HIVEP3: variants seen among roughly 807,000 people sequenced by gnomAD.
HIVEP3 encodes transcription factor HIVEP3.
A neutral mutation model predicts 152.8 loss-of-function variants in HIVEP3; 49 were observed. The observed-to-expected ratio is 0.32, with a 90% CI of 0.26 to 0.41. The LOEUF (loss-of-function observed/expected upper bound fraction) is 0.41, where lower values mean the gene tolerates loss of function less well. HIVEP3 is among the 10% of genes least tolerant of loss of function. The pLI is 1.00. For synonymous variants in HIVEP3, 1,269 were observed against 1,289.0 expected, an observed-to-expected ratio of 0.98 and a Z score of 0.33; for missense variants, 2,790 against 3,103.3, an observed-to-expected ratio of 0.90 and a Z score of 2.40.
chr1:41,546,214 C>G (rs1315516864), intron 5 of HIVEP3, among the ~76,000 whole-genome samples: 2 of 152,102 alleles, frequency 1.3e-5, no homozygotes, highest in Non-Finnish European at 2.9e-5. Flanking sequence ...ACCAGTGGTC[C>G]CCAGAGGTGA....
At chr1:41,710,088 AAG>A in intron 1 of HIVEP3, among the ~76,000 whole-genome samples, 1 of 152,272 alleles carries the variant, frequency 6.6e-6, no homozygotes, top group South Asian at 2.1e-4. Flanking sequence ...ACTCAAGTTC[AAG>A]GCAGAGTGTT....
chr1:41,962,813 T>C (rs972283991), intron 1 of HIVEP3, among the ~76,000 whole-genome samples: 3 of 152,126 alleles, frequency 2.0e-5, no homozygotes, highest in African/African-American at 2.4e-5. Context: ...ACCCTAGAGG[T>C]TGAGGTACAC....
intron 1 of HIVEP3, among the ~76,000 whole-genome samples, chr1:41,816,645 C>T (rs1273632081): frequency 6.6e-6 from 1 of 152,216 alleles, no homozygotes; most frequent in Admixed American, 6.5e-5. Flanking sequence ...CACCACTGCA[C>T]TCCAGCCTGG....
At chr1:41,549,120 G>A (rs936291070) in intron 5 of HIVEP3, among the ~76,000 whole-genome samples, 10 of 151,606 alleles carry the variant, frequency 6.6e-5, no homozygotes, top group Admixed American at 2.0e-4. Flanking sequence ...GAGAACATGC[G>A]GTATTTCGTT....
At chr1:41,593,231 C>T (rs532820339) in intron 3 of HIVEP3, among the ~76,000 whole-genome samples, 4 of 152,384 alleles carry the variant, frequency 2.6e-5, no homozygotes, top group African/African-American at 9.6e-5. Flanking sequence ...CCTGTCCCCA[C>T]ATGCCCCTCC....
At chr1:41,798,786 A>G (rs1046957095) in intron 1 of HIVEP3, among the ~76,000 whole-genome samples, 3 of 152,218 alleles carry the variant, frequency 2.0e-5, no homozygotes, top group Non-Finnish European at 2.9e-5. Context: ...GCATTTTGTC[A>G]TAGAGCTCAC....
intron 3 of HIVEP3, among the ~76,000 whole-genome samples, chr1:41,597,194 G>A (rs961951520): frequency 2.0e-5 from 3 of 152,132 alleles, no homozygotes; most frequent in African/African-American, 7.2e-5. Flanking sequence ...AGTTAGACCC[G>A]GCTGGTATTT....
rs575766721 is a variant in HIVEP3 at position 41,669,538 on chromosome 1, A to G, written c.-721+31378T>C. 3.9e-5 allele frequency among the ~76,000 whole-genome samples: 6 copies of G among 152,310 alleles called. No individual in the cohort carries two copies. The East Asian group carries it at 1.2e-3, about 29-fold the overall frequency. ...CCCTAACATGGGAGAGCTTCATCCA[A>G]TCTACTGAAGACCTGAATAGAATGA... On this transcript the variant is annotated intron_variant, in intron 2 of 8. Transcript: ENST00000372583.
chr1:41,747,171 A>T (rs1000191962), intron 1 of HIVEP3, among the ~76,000 whole-genome samples: 4 of 152,238 alleles, frequency 2.6e-5, no homozygotes, highest in African/African-American at 9.6e-5. Flanking sequence ...GAGGGTAAGA[A>T]GCTAAGTGCC....
chr1:41,562,550 C>T (rs997733152), intron 5 of HIVEP3, among the ~76,000 whole-genome samples: 2 of 134,720 alleles, frequency 1.5e-5, no homozygotes, highest in African/African-American at 5.7e-5. Flanking sequence ...TCCTTCCTTC[C>T]TTCCTTCTTT....
intron 1 of HIVEP3, among the ~76,000 whole-genome samples, chr1:41,782,824 A>G (rs943828024): frequency 6.6e-6 from 1 of 152,162 alleles, no homozygotes; most frequent in Non-Finnish European, 1.5e-5. Context: ...TAAGACCACA[A>G]TATAATGAAT....
At chr1:41,567,464 C>T (rs1288557722) in intron 5 of HIVEP3, among the ~76,000 whole-genome samples, 4 of 152,176 alleles carry the variant, frequency 2.6e-5, no homozygotes, top group African/African-American at 9.7e-5. Context: ...GTGATGGGGG[C>T]TGGACACTTC....
rs1287517877 is a variant in HIVEP3 at position 41,581,125 on chromosome 1, G to A, written c.3673C>T (p.Pro1225Ser). 3 of 1,553,534 alleles carry A rather than the reference G, an allele frequency of 1.9e-6. No individual in the cohort carries two copies. The East Asian group carries it at 6.8e-5, about 35-fold the overall frequency. The change falls in exon 4 of 9, where the codon CCC becomes TCC. Residue 1225 changes from proline to serine, a missense_variant. Pro to Ser is a moderately conservative substitution (Grantham distance 74). Transcript: ENST00000372583. This position sits in a 1 kb window ranked among gnomAD's most constrained non-coding sequence, Gnocchi z 4.5. ...GCTGAGGAGGTCGGGTATGGCATGG[G>A]GAGGAAGGAAGGGGGCTGCCTGAAG... is the stretch of plus-strand genomic sequence containing the variant. ...IPFRQPPSFL[P>S]MPYPTSSALS...
At chr1:41,728,592 C>T (rs901013900) in intron 1 of HIVEP3, among the ~76,000 whole-genome samples, 2 of 152,210 alleles carry the variant, frequency 1.3e-5, no homozygotes, top group African/African-American at 2.4e-5. Context: ...CAGACTTGTT[C>T]TCAATCTACA....
chr1:41,913,209 A>G (rs1275948985), intron 1 of HIVEP3, among the ~76,000 whole-genome samples: 1 of 152,232 alleles, frequency 6.6e-6, no homozygotes, highest in Non-Finnish European at 1.5e-5. Flanking sequence ...TCTGGAATGG[A>G]ACCTGATTCA....
intron 3 of HIVEP3, among the ~76,000 whole-genome samples, chr1:41,611,481 C>T (rs1378031596): frequency 6.6e-6 from 1 of 152,164 alleles, no homozygotes; most frequent in Non-Finnish European, 1.5e-5. Context: ...CCTATCAGGC[C>T]GGCAATGTTT....
intron 1 of HIVEP3, among the ~76,000 whole-genome samples, chr1:41,889,950 C>T (rs1644421797): frequency 6.6e-6 from 1 of 152,200 alleles, no homozygotes; most frequent in African/African-American, 2.4e-5. Flanking sequence ...ACCATAATAA[C>T]ATTGCCCCAT....
chr1:41,937,151 G>A (rs1002743557), intron 1 of HIVEP3, among the ~76,000 whole-genome samples: 11 of 152,090 alleles, frequency 7.2e-5, no homozygotes, highest in African/African-American at 2.2e-4. Flanking sequence ...TCTTTATGTG[G>A]GGAGAACTGA....
intron 5 of HIVEP3, among the ~76,000 whole-genome samples, chr1:41,570,289 C>T (rs1437940899): frequency 6.6e-6 from 1 of 152,138 alleles, no homozygotes; most frequent in African/African-American, 2.4e-5. Flanking sequence ...GTCTGTGTCC[C>T]CACCCAAAAT....
Sources: gnomAD v4.1 joint callset for allele counts (sites outside exome capture counted in the v4.1 genomes callset) on GRCh38, gnomAD v4.1.1 for gene constraint, Gnocchi (gnomAD v3.1) non-coding constraint, MANE v1.5 for transcripts, NCBI Gene and HGNC (gene_info 2026-07-23, HGNC 2026-07-21) for gene names.